Variants in LRRC37A2 observed in about 807,000 individuals in gnomAD.
LRRC37A2 encodes leucine rich repeat containing 37 member A2.
Under a neutral mutation model 68.8 loss-of-function variants are expected in LRRC37A2, and 9 were observed. The observed-to-expected ratio is 0.13, with a 90% confidence interval of 0.08 to 0.23. The LOEUF (loss-of-function observed/expected upper bound fraction) is 0.23. Among genes scored for constraint, LRRC37A2 ranks in the 10% least tolerant of loss-of-function variants. The probability of loss-of-function intolerance (pLI) is 1.00; values close to 1 mark genes in which losing one functional copy is unlikely to be tolerated. For synonymous variants in LRRC37A2, 63 were observed against 367.6 expected (o/e 0.17, Z 9.48); for missense variants, 168 against 950.4 (o/e 0.18, Z 10.82).
the LRRC37A2 span, chr17:46,938,622 C>G: frequency 1.2e-6 from 2 of 1,613,976 alleles, no homozygotes; most frequent in Non-Finnish European, 1.7e-6. Flanking sequence ...AGATCCTTGA[C>G]ATTGCCAACA....
At chr17:46,509,931 AAAAC>A (rs1183347849), upstream of LRRC37A2, among the ~76,000 whole-genome samples, 11 of 70,328 alleles carry the variant, frequency 1.6e-4, 3 homozygotes, top group African/African-American at 4.7e-4. Context: ...AAAGAAAAGA[AAAAC>A]AACTCAAGGG....
chr17:46,975,986 G>GC, the LRRC37A2 span, among the ~76,000 whole-genome samples: 1 of 152,072 alleles, frequency 6.6e-6, no homozygotes, highest in African/African-American at 2.4e-5. Context: ...GAGTGCAGTA[G>GC]CGTAATCTCG....
chr17:46,810,092 C>T, the LRRC37A2 span, among the ~76,000 whole-genome samples: 7 of 150,994 alleles, frequency 4.6e-5, no homozygotes, highest in African/African-American at 7.3e-5. Flanking sequence ...CTGCAACCTC[C>T]GCCTCCCAGG....
the LRRC37A2 span, among the ~76,000 whole-genome samples, chr17:46,502,030 A>ATAT: frequency 6.6e-6 from 1 of 151,312 alleles, no homozygotes; most frequent in South Asian, 2.1e-4. Flanking sequence ...AGCCACTCAA[A>ATAT]TATGGTAAAG....
the LRRC37A2 span, chr17:46,763,831 C>CAAAAAAAAAAAA: frequency 6.5e-5 from 8 of 123,668 alleles, no homozygotes; most frequent in African/African-American, 9.6e-5. Context: ...CCACTACCAC[C>CAAAAAAAAAAAA]AAAAAAAAAA....
the LRRC37A2 span, chr17:46,940,925 A>G: frequency 7.6e-7 from 1 of 1,311,642 alleles, no homozygotes; most frequent in Non-Finnish European, 9.8e-7. Flanking sequence ...CTGGTGAAAA[A>G]TAGACCTTGG....
At chr17:46,866,174 G>A in the LRRC37A2 span, among the ~76,000 whole-genome samples, 1 of 152,158 alleles carries the variant, frequency 6.6e-6, no homozygotes, top group Non-Finnish European at 1.5e-5. Flanking sequence ...GGGCCTCCCA[G>A]TGTAACAGCA....
At chr17:46,946,117 C>T in the LRRC37A2 span, among the ~76,000 whole-genome samples, 1 of 151,992 alleles carries the variant, frequency 6.6e-6, no homozygotes, top group African/African-American at 2.4e-5. Flanking sequence ...TCTGTCGTCA[C>T]TCACTTGGAG....
At chr17:46,812,731 A>G in the LRRC37A2 span, among the ~76,000 whole-genome samples, 687 of 152,336 alleles carry the variant, frequency 4.5e-3, 5 homozygotes, top group Middle Eastern at 0.034. Flanking sequence ...GAAAAGGGGA[A>G]AACAGAGCCA....
the LRRC37A2 span, chr17:46,476,233 CA>C: frequency 1.9e-5 from 3 of 160,772 alleles, no homozygotes; most frequent in Admixed American, 2.7e-4. Flanking sequence ...GGAGATCTGT[CA>C]CTGATTGGGT....
chr17:46,548,758 G>T, exon 10 of LRRC37A2: 2 of 1,610,166 alleles, frequency 1.2e-6, no homozygotes, highest in East Asian at 4.5e-5. Flanking sequence ...AAAAAGGCTC[G>T]GGAGTCCAGC....
the LRRC37A2 span, among the ~76,000 whole-genome samples, chr17:46,724,046 T>G: frequency 6.6e-6 from 1 of 152,210 alleles, no homozygotes; most frequent in African/African-American, 2.4e-5. Flanking sequence ...CAACACCACT[T>G]TATTTTAATT....
At chr17:46,968,862 A>G in the LRRC37A2 span, 1 of 152,262 alleles carries the variant, frequency 6.6e-6, no homozygotes, top group Non-Finnish European at 1.5e-5. Context: ...CAGACCCCCA[A>G]GGATTCTGAT....
the LRRC37A2 span, among the ~76,000 whole-genome samples, chr17:46,745,886 C>A: frequency 6.6e-6 from 1 of 152,182 alleles, no homozygotes; most frequent in Non-Finnish European, 1.5e-5. Context: ...TACCTCAACA[C>A]CCAGCTTTTG....
chr17:46,733,984 T>C, the LRRC37A2 span, among the ~76,000 whole-genome samples: 1 of 152,226 alleles, frequency 6.6e-6, no homozygotes, highest in African/African-American at 2.4e-5. Context: ...ACTGTCAGCA[T>C]TCTCAGGATG....
At chr17:46,937,669 A>C in the LRRC37A2 span, 1 of 152,214 alleles carries the variant, frequency 6.6e-6, no homozygotes, top group Non-Finnish European at 1.5e-5. Flanking sequence ...TGAACTTCAT[A>C]TAAAGGTATT....
chr17:46,755,350 C>G, the LRRC37A2 span: 4 of 1,613,532 alleles, frequency 2.5e-6, no homozygotes, highest in Non-Finnish European at 3.4e-6. Context: ...ATTCTTGGCC[C>G]TCTTAAGAGA....
the LRRC37A2 span, among the ~76,000 whole-genome samples, chr17:46,848,542 G>C: frequency 6.6e-6 from 1 of 152,190 alleles, no homozygotes; most frequent in Non-Finnish European, 1.5e-5. Flanking sequence ...CCTTCCTCAG[G>C]GATCCTATAA....
At chr17:46,923,643 G>C in the LRRC37A2 span, 1 of 1,155,190 alleles carries the variant, frequency 8.7e-7, no homozygotes. Context: ...GCACGTACGG[G>C]AAAGTATTTG....
Sources: allele counts gnomAD v4.1 joint callset (sites outside exome capture counted in the v4.1 genomes callset), GRCh38; gene constraint gnomAD v4.1.1; transcripts MANE v1.5; gene names NCBI Gene and HGNC (gene_info 2026-07-23, HGNC 2026-07-21).